The following CCDC171 variants were observed in gnomAD, a reference collection of about 807,000 sequenced individuals.
The protein encoded by CCDC171 is coiled-coil domain-containing protein 171.
In CCDC171, 177 loss-of-function variants were observed where a neutral mutation model predicts 168.2. The ratio of observed to expected loss-of-function variants is 1.05; its 90% CI spans 0.93 to 1.19. The LOEUF is 1.19. Ranked by LOEUF, CCDC171 falls within the 50% of genes most tolerant of loss-of-function variation. CCDC171 has a pLI of 0.00. For missense variants in CCDC171, 1,991 were observed against 1,539.0 expected, an observed-to-expected ratio of 1.29 and a Z score of -4.91; for synonymous variants, 687 against 540.8, an observed-to-expected ratio of 1.27 and a Z score of -3.75.
At chr9:15,705,342 T>C (rs1220310707) in intron 11 of CCDC171, among the ~76,000 whole-genome samples, 1 of 152,120 alleles carries the variant, frequency 6.6e-6, no homozygotes, top group Non-Finnish European at 1.5e-5. Flanking sequence ...CCTTGTAAGG[T>C]CCTGTGCTTT....
chr9:15,561,967 C>T (rs549266003), intron 1 of CCDC171, among the ~76,000 whole-genome samples: 25 of 152,120 alleles, frequency 1.6e-4, no homozygotes, highest in Non-Finnish European at 2.9e-4. Context: ...CATGTGGCTT[C>T]TTCCATGGGC....
chr9:16,082,204 C>G, the CCDC171 span, among the ~76,000 whole-genome samples: 1 of 152,136 alleles, frequency 6.6e-6, no homozygotes, highest in Non-Finnish European at 1.5e-5. Flanking sequence ...TCGTGTCTTC[C>G]TCACAAAAAA....
At chr9:15,600,165 G>A (rs1454883009) in intron 6 of CCDC171, among the ~76,000 whole-genome samples, 1 of 152,116 alleles carries the variant, frequency 6.6e-6, no homozygotes, top group Non-Finnish European at 1.5e-5. Context: ...TCCAGCTTTG[G>A]TCTTTTGCTG....
intron 10 of CCDC171, among the ~76,000 whole-genome samples, chr9:15,694,311 C>T (rs1041459814): frequency 2.6e-5 from 4 of 152,154 alleles, no homozygotes; most frequent in African/African-American, 9.7e-5. Flanking sequence ...AAGATTTACA[C>T]CAATTATATT....
intron 24 of CCDC171, among the ~76,000 whole-genome samples, chr9:15,907,030 T>C (rs1449589295): frequency 6.6e-6 from 1 of 152,096 alleles, no homozygotes; most frequent in African/African-American, 2.4e-5. Flanking sequence ...TGGAAGAACA[T>C]TCCATGCTCA....
intron 3 of CCDC171, among the ~76,000 whole-genome samples, chr9:15,574,378 T>C (rs1419249674): frequency 6.6e-6 from 1 of 151,712 alleles, no homozygotes; most frequent in Non-Finnish European, 1.5e-5. Context: ...CTCCTGACTT[T>C]GTGATCCACC....
rs1303198297 is a variant in CCDC171 at position 15,594,160 on chromosome 9, A to G, written c.663A>G (p.Gln221=). 2.1e-6 allele frequency: 3 copies of G among 1,422,318 alleles called. No homozygotes were observed. Among genetic ancestry groups the G allele is most frequent in the East Asian group, 2.3e-5 (1 of 43,054 alleles). The allele number at this position is 1,422,318 out of a possible 1,614,324, so 88.1% of individuals were successfully genotyped here. A position where few individuals can be genotyped will look rare whatever the true frequency, so the allele number is the denominator to read the frequency against. Residue 221 remains glutamine (Q), a synonymous_variant, in exon 6 of 26, where the codon CAA becomes CAG. Coordinates refer to ENST00000380701, the MANE Select transcript of CCDC171 (RefSeq NM_173550.4). ...EQWEAERREL[Q]FIVQEQDTAV... The stretch of plus-strand genomic sequence containing the variant: ...GGGAAGCAGAAAGAAGAGAATTACA[A>G]TTTATAGTACAGGTATTTTAAAAAT...
intron 2 of CCDC171, among the ~76,000 whole-genome samples, chr9:15,564,749 C>G (rs573247771): frequency 7.2e-5 from 11 of 152,168 alleles, no homozygotes; most frequent in Admixed American, 1.3e-4. Flanking sequence ...CCTAAGTGTG[C>G]TTTACAAAGA....
At chr9:15,578,806 C>T in intron 3 of CCDC171, 43 bp from the exon 4 acceptor site, 1 of 1,528,830 alleles carries the variant, frequency 6.5e-7, no homozygotes, top group Non-Finnish European at 8.9e-7. Context: ...TGTATGATCT[C>T]ATAATCTTTG....
At chr9:15,908,049 T>C (rs1395729504) in intron 24 of CCDC171, among the ~76,000 whole-genome samples, 3 of 151,766 alleles carry the variant, frequency 2.0e-5, no homozygotes, top group Non-Finnish European at 2.9e-5. Context: ...ACTTTTACAC[T>C]GTTGGTGGGA....
chr9:15,710,693 T>C (rs1453176785), intron 11 of CCDC171, among the ~76,000 whole-genome samples: 1 of 152,084 alleles, frequency 6.6e-6, no homozygotes. Flanking sequence ...TCTCCCAGGT[T>C]CAAGCGATTC....
chr9:15,711,248 G>GAAGGCTTGATT (rs1165712872), intron 11 of CCDC171, among the ~76,000 whole-genome samples: 1 of 152,134 alleles, frequency 6.6e-6, no homozygotes, highest in Non-Finnish European at 1.5e-5. Context: ...GTACAGAATT[G>GAAGGCTTGATT]AAGGCTTGAT....
intron 11 of CCDC171, among the ~76,000 whole-genome samples, chr9:15,713,846 G>A (rs2052874038): frequency 6.6e-6 from 1 of 151,410 alleles, no homozygotes; most frequent in African/African-American, 2.4e-5. Context: ...GTAATGGAGA[G>A]TTGATTAAGA....
At chr9:15,923,623 A>T (rs1242576768) in intron 25 of CCDC171, among the ~76,000 whole-genome samples, 3 of 151,336 alleles carry the variant, frequency 2.0e-5, no homozygotes, top group Non-Finnish European at 4.4e-5. Flanking sequence ...TATTCTTGAA[A>T]AGTGCAAAGA....
chr9:15,863,518 C>T (rs1259718016), intron 23 of CCDC171, among the ~76,000 whole-genome samples: 1 of 151,722 alleles, frequency 6.6e-6, no homozygotes, highest in African/African-American at 2.4e-5. Context: ...TTTCTAACTA[C>T]CCCCACCCCA....
At chr9:16,095,775 C>T in the CCDC171 span, among the ~76,000 whole-genome samples, 6 of 150,780 alleles carry the variant, frequency 4.0e-5, no homozygotes, top group East Asian at 3.9e-4. Flanking sequence ...TGAGCCTCAG[C>T]GTCTTTAATA....
At chr9:15,681,780 C>T (rs1327906302) in intron 10 of CCDC171, among the ~76,000 whole-genome samples, 1 of 151,964 alleles carries the variant, frequency 6.6e-6, no homozygotes, top group Non-Finnish European at 1.5e-5. Flanking sequence ...CATTCACAGT[C>T]TGGCTGTTAT....
At position 15,729,684 on chromosome 9, in the gene CCDC171, C is replaced by T; in HGVS notation, c.1935C>T (p.Thr645=). ...MRELQQTQED[T]FTKVAEQIKA... is the part of the protein sequence containing the mutation. ...AGCTTCAGCAGACTCAGGAAGACAC[C>T]TTTACCAAAGTGGCAGAACAGATCA... Residue 645 remains threonine (T), a synonymous_variant, in exon 16 of 26, where the codon ACC becomes ACT. Transcript: ENST00000380701. The T allele has an allele frequency of 6.2e-7, 1 of 1,613,324 alleles. No homozygotes were observed. The highest frequency in any genetic ancestry group is 1.1e-5 in the South Asian group (1 of 91,028).
intron 6 of CCDC171, among the ~76,000 whole-genome samples, chr9:15,611,965 T>C (rs2043728795): frequency 6.6e-6 from 1 of 152,170 alleles, no homozygotes. Flanking sequence ...AAACCTTAAG[T>C]AGAATTGGTG....
Sources: gnomAD v4.1 joint callset for allele counts (sites outside exome capture counted in the v4.1 genomes callset) on GRCh38, gnomAD v4.1.1 for gene constraint, MANE v1.5 for transcripts, NCBI Gene and HGNC (gene_info 2026-07-23, HGNC 2026-07-21) for gene names.